Variants in GPC4 observed in about 807,000 individuals in gnomAD.
GPC4 encodes glypican 4, also known as glypican-4.
GPC4 carries 10 observed loss-of-function variants against 35.0 expected under a neutral mutation model. The observed-to-expected ratio is 0.29, with a 90% CI of 0.18 to 0.48. The LOEUF (loss-of-function observed/expected upper bound fraction) is 0.48. Among genes scored for constraint, GPC4 ranks in the 20% least tolerant of loss-of-function variants. The pLI is 0.99. For synonymous variants in GPC4, 167 were observed against 170.2 expected, an observed-to-expected ratio of 0.98 and a Z score of 0.15; for missense variants, 322 against 451.3, an observed-to-expected ratio of 0.71 and a Z score of 2.60.
At chrX:133,346,808 A>G (rs1438850336) in intron 1 of GPC4, among the ~76,000 whole-genome samples, 1 of 111,717 alleles carries the variant, frequency 9.0e-6, no homozygotes, top group Admixed American at 9.5e-5. Context: ...AAAAATCCAC[A>G]TTTATATAAA....
chrX:133,354,560 A>ATTTTTTT (rs1174002540), intron 1 of GPC4, among the ~76,000 whole-genome samples: 2 of 93,704 alleles, frequency 2.1e-5, no homozygotes, highest in African/African-American at 9.6e-5. Context: ...TTATTTATTT[A>ATTTTTTT]TTTATTTATT....
At position 133,300,384 on chromosome X, in the gene GPC4, G is replaced by GT. The variant is rs767615618; in HGVS notation, c.*2482dup. ...GTAAAACACAAGCCCTTCACATGCT[G>GT]TTAACTTTGGAAAAGTCAGGTCTTC... On this transcript the variant is annotated 3_prime_UTR_variant, in exon 9 of 9. Transcript: ENST00000370828. The GT allele has an allele frequency of 2.4e-4, 27 of 112,278 alleles. No homozygotes were observed. Among genetic ancestry groups the GT allele is most frequent in the African/African-American group, 6.8e-4 (21 of 31,002 alleles). 9.3% of individuals were successfully genotyped at this position (112,278 alleles called of 1,213,427 possible).
At chrX:133,389,505 G>C (rs1202589398) in intron 1 of GPC4, among the ~76,000 whole-genome samples, 1 of 111,909 alleles carries the variant, frequency 8.9e-6, no homozygotes, top group African/African-American at 3.2e-5. Context: ...ATCTACAAGA[G>C]ATGAGAAGGA....
intron 1 of GPC4, among the ~76,000 whole-genome samples, chrX:133,346,285 AG>A (rs1303208162): frequency 8.9e-6 from 1 of 111,896 alleles, no homozygotes; most frequent in Non-Finnish European, 1.9e-5. Flanking sequence ...ATTTAGTTAT[AG>A]GAAGTCAGCA....
At chrX:133,380,894 G>A (rs1370221607) in intron 1 of GPC4, among the ~76,000 whole-genome samples, 3 of 111,949 alleles carry the variant, frequency 2.7e-5, no homozygotes, top group East Asian at 2.8e-4. Context: ...CAGTCCATTC[G>A]AGGGCTCAAA....
At chrX:133,319,089 A>C (rs1055061559) in intron 3 of GPC4, among the ~76,000 whole-genome samples, 5 of 111,991 alleles carry the variant, frequency 4.5e-5, no homozygotes. Context: ...CACGAAGAGA[A>C]AGTGGGAACA....
chrX:133,371,469 C>T (rs1260288496), intron 1 of GPC4, among the ~76,000 whole-genome samples: 2 of 112,145 alleles, frequency 1.8e-5, no homozygotes, highest in Non-Finnish European at 3.8e-5. Context: ...ACTACAAACT[C>T]TTGCTTTACT....
At chrX:133,377,449 T>A (rs1247767323) in intron 1 of GPC4, among the ~76,000 whole-genome samples, 1 of 112,384 alleles carries the variant, frequency 8.9e-6, no homozygotes, top group Non-Finnish European at 1.9e-5. Context: ...CTCATTTCCC[T>A]TGGCAGCAGG....
intron 1 of GPC4, among the ~76,000 whole-genome samples, chrX:133,350,659 A>G (rs1603076549): frequency 8.9e-6 from 1 of 112,578 alleles, no homozygotes. Flanking sequence ...TACATTTTTA[A>G]TGTCTGTGCT....
Position 133,414,432 on chromosome X carries a change from C to T in GPC4, c.160+374G>A, listed in dbSNP as rs948567713. The T allele has an allele frequency of 5.4e-6, 4 of 744,833 alleles. No individual in the cohort carries two copies. In the African/African-American group the frequency reaches 9.5e-5, roughly 18 times the overall value. 61.4% of individuals were successfully genotyped at this position (744,833 alleles called of 1,213,427 possible). A position where few individuals can be genotyped will look rare whatever the true frequency, so the allele number is the denominator to read the frequency against. On this transcript the variant is annotated intron_variant, in intron 1 of 8. Transcript: ENST00000370828. ...GGGGCGTCCTATAAGGAGTTCAACCCGGAAAAGGAGAAGTAGCCGGTGACA... is the reference window on the plus strand; with the variant it reads ...GGGGCGTCCTATAAGGAGTTCAACCTGGAAAAGGAGAAGTAGCCGGTGACA...
intron 2 of GPC4, among the ~76,000 whole-genome samples, chrX:133,325,106 A>G (rs1328277394): frequency 9.0e-6 from 1 of 111,120 alleles, no homozygotes; most frequent in Non-Finnish European, 1.9e-5. Flanking sequence ...AAACATAATC[A>G]AACACCCCTA....
intron 3 of GPC4, 83 bp downstream of exon 3, chrX:133,324,058 GATTT>G: frequency 9.6e-7 from 1 of 1,043,418 alleles, no homozygotes; most frequent in Non-Finnish European, 1.3e-6. Flanking sequence ...GAATTTTGGT[GATTT>G]ATTTTTCTAC....
At chrX:133,413,636 C>T (rs778873070) in intron 1 of GPC4, among the ~76,000 whole-genome samples, 9 of 110,635 alleles carry the variant, frequency 8.1e-5, no homozygotes, top group East Asian at 2.9e-4. Context: ...CTCAGCCCCC[C>T]CCCCGGGCTC....
chrX:133,403,631 G>A (rs2068775087), intron 1 of GPC4, among the ~76,000 whole-genome samples: 1 of 110,655 alleles, frequency 9.0e-6, no homozygotes, highest in Non-Finnish European at 1.9e-5. Context: ...CCTACCACAT[G>A]CCATGCAGTA....
chrX:133,310,988 T>C (rs1177585444), intron 4 of GPC4, among the ~76,000 whole-genome samples: 3 of 111,355 alleles, frequency 2.7e-5, no homozygotes, highest in Non-Finnish European at 5.6e-5. Context: ...AAAGAGACTC[T>C]GTCTCCAAGA....
At chrX:133,367,960 T>C (rs2068597064) in intron 1 of GPC4, among the ~76,000 whole-genome samples, 1 of 110,787 alleles carries the variant, frequency 9.0e-6, no homozygotes, top group African/African-American at 3.3e-5. Context: ...CCCCTTTCCT[T>C]ACCTATAATT....
At chrX:133,363,900 T>C (rs753227834) in intron 1 of GPC4, among the ~76,000 whole-genome samples, 44 of 112,121 alleles carry the variant, frequency 3.9e-4, no homozygotes, top group African/African-American at 1.4e-3. Flanking sequence ...TGAATTTGCC[T>C]ATTTTGTACA....
chrX:133,306,951 T>C (rs1295258571), intron 4 of GPC4, among the ~76,000 whole-genome samples: 2 of 112,181 alleles, frequency 1.8e-5, no homozygotes, highest in African/African-American at 3.2e-5. Flanking sequence ...ATAAAATACA[T>C]TGTCTTTGTT....
chrX:133,333,880 T>TTA, intron 2 of GPC4, among the ~76,000 whole-genome samples: 1 of 112,900 alleles, frequency 8.9e-6, no homozygotes, highest in Non-Finnish European at 1.9e-5. Flanking sequence ...TGTTGTATAT[T>TTA]ATGCTATGCA....
Sources: allele counts gnomAD v4.1 joint callset (sites outside exome capture counted in the v4.1 genomes callset), GRCh38; gene constraint gnomAD v4.1.1; transcripts MANE v1.5; gene names NCBI Gene and HGNC (gene_info 2026-07-23, HGNC 2026-07-21).